The following PTPRD variants were observed in gnomAD, a reference collection of about 807,000 sequenced individuals.
PTPRD encodes the protein receptor-type tyrosine-protein phosphatase delta.
In PTPRD, 34 loss-of-function variants were observed where a neutral mutation model predicts 214.5. That is an observed-to-expected ratio of 0.16 (90% CI 0.12 to 0.21). The LOEUF is 0.21. Among genes scored for constraint, PTPRD ranks in the 10% least tolerant of loss-of-function variants. The pLI is 1.00. For missense variants in PTPRD, 2,545 were observed against 2,398.7 expected, an observed-to-expected ratio of 1.06 and a Z score of -1.27; for synonymous variants, 1,128 against 845.7, an observed-to-expected ratio of 1.33 and a Z score of -5.79.
At chr9:8,842,058 T>G (rs553607055) in intron 11 of PTPRD, among the ~76,000 whole-genome samples, 1 of 151,996 alleles carries the variant, frequency 6.6e-6, no homozygotes, top group South Asian at 2.1e-4. Context: ...AAGTATTTTT[T>G]TAAACAAAAA....
intron 2 of PTPRD, among the ~76,000 whole-genome samples, chr9:10,400,755 T>G (rs1228154917): frequency 1.3e-5 from 2 of 151,690 alleles, no homozygotes; most frequent in Non-Finnish European, 3.0e-5. Context: ...CCTTCTTAGT[T>G]TTTACTGATA....
chr9:10,065,147 G>GAAAGAAAGAAAGAAAGAAAA (rs1567444248), intron 3 of PTPRD, among the ~76,000 whole-genome samples: 1 of 144,572 alleles, frequency 6.9e-6, no homozygotes, highest in East Asian at 2.1e-4. Flanking sequence ...GGATTAGAAA[G>GAAAGAAAGAAAGAAAGAAAA]AAAGAAAGAA....
chr9:10,068,819 A>G (rs1410788134), intron 3 of PTPRD, among the ~76,000 whole-genome samples: 1 of 151,508 alleles, frequency 6.6e-6, no homozygotes, highest in Admixed American at 6.6e-5. Context: ...CCTTTTTTTC[A>G]CTCTGTTTAG....
intron 5 of PTPRD, among the ~76,000 whole-genome samples, chr9:9,908,492 C>T (rs10759099): frequency 0.46 from 69,918 of 151,844 alleles, 17,068 homozygotes; most frequent in African/African-American, 0.62. Context: ...ACTTGTTGAG[C>T]ATCCTTTCTG....
chr9:9,106,670 G>A (rs948592886), intron 10 of PTPRD, among the ~76,000 whole-genome samples: 1 of 146,634 alleles, frequency 6.8e-6, no homozygotes, highest in Non-Finnish European at 1.5e-5. Flanking sequence ...AAGTTTAATA[G>A]GTGTATAATT....
At chr9:9,548,673 T>TA (rs150886333) in intron 8 of PTPRD, among the ~76,000 whole-genome samples, 4 of 152,110 alleles carry the variant, frequency 2.6e-5, no homozygotes, top group East Asian at 3.9e-4. Flanking sequence ...AAAAGTATGA[T>TA]AAAAAACGAT....
chr9:9,343,909 A>G (rs777545464), intron 9 of PTPRD, among the ~76,000 whole-genome samples: 3 of 152,270 alleles, frequency 2.0e-5, no homozygotes, highest in Non-Finnish European at 4.4e-5. Flanking sequence ...GAAACAGGTT[A>G]TCTAAATTTT....
intron 10 of PTPRD, among the ~76,000 whole-genome samples, chr9:9,068,831 C>T (rs1033782856): frequency 2.6e-5 from 4 of 151,992 alleles, no homozygotes; most frequent in Non-Finnish European, 2.9e-5. Context: ...AGGATGGTCT[C>T]GATCTCCTGA....
At chr9:9,517,962 T>C (rs1349303573) in intron 8 of PTPRD, among the ~76,000 whole-genome samples, 1 of 151,432 alleles carries the variant, frequency 6.6e-6, no homozygotes, top group East Asian at 2.0e-4. Flanking sequence ...TTAAAATTAT[T>C]AATTTTTGGG....
chr9:8,869,500 T>C (rs1054139836), intron 11 of PTPRD, among the ~76,000 whole-genome samples: 3 of 152,278 alleles, frequency 2.0e-5, no homozygotes, highest in South Asian at 2.1e-4. Flanking sequence ...CCCAGACTCA[T>C]TGATTGATCC....
chr9:8,627,347 C>T (rs921216367), intron 14 of PTPRD, among the ~76,000 whole-genome samples: 15 of 151,754 alleles, frequency 9.9e-5, no homozygotes, highest in African/African-American at 3.4e-4. Context: ...CGACCAAGAA[C>T]AAATCATGTC....
At chr9:8,858,539 CTT>C (rs968590407) in intron 11 of PTPRD, among the ~76,000 whole-genome samples, 1 of 152,116 alleles carries the variant, frequency 6.6e-6, no homozygotes, top group Non-Finnish European at 1.5e-5. Flanking sequence ...AGGCTTCTCT[CTT>C]TGTTTCCTTG....
intron 3 of PTPRD, among the ~76,000 whole-genome samples, chr9:10,105,568 T>G (rs556755663): frequency 1.3e-5 from 2 of 151,898 alleles, no homozygotes; most frequent in East Asian, 1.9e-4. Flanking sequence ...ACTTCTCAAA[T>G]TTTTGCAGCT....
intron 3 of PTPRD, among the ~76,000 whole-genome samples, chr9:10,126,946 C>CT (rs34691762): frequency 0.39 from 50,492 of 130,428 alleles, 11,478 homozygotes; most frequent in Non-Finnish European, 0.52. Context: ...CTCAAATGGA[C>CT]TTTTTTTTTT....
intron 5 of PTPRD, among the ~76,000 whole-genome samples, chr9:9,861,874 C>T (rs1423763560): frequency 6.6e-6 from 1 of 152,138 alleles, no homozygotes; most frequent in African/African-American, 2.4e-5. Flanking sequence ...CCCCCTGCAT[C>T]ATATTTACCT....
chr9:8,412,782 C>A (rs2093630549), intron 35 of PTPRD, among the ~76,000 whole-genome samples: 1 of 152,134 alleles, frequency 6.6e-6, no homozygotes, highest in Non-Finnish European at 1.5e-5. Context: ...TTTCTGCTCT[C>A]CTACTTACTA....
chr9:9,661,435 TCATGTTGCTGCCATTTAA>T (rs1431418893), intron 7 of PTPRD, among the ~76,000 whole-genome samples: 1 of 151,914 alleles, frequency 6.6e-6, no homozygotes, highest in Non-Finnish European at 1.5e-5. Flanking sequence ...AGAAGCATCT[TCATGTTGCTGCCATTTAA>T]CATTATATTA....
chr9:8,862,402 A>G (rs1209990662), intron 11 of PTPRD: 2 of 152,198 alleles, frequency 1.3e-5, no homozygotes, highest in African/African-American at 4.8e-5. Context: ...TTCAAATTCA[A>G]TTGTAAAGAA....
intron 8 of PTPRD, among the ~76,000 whole-genome samples, chr9:9,481,163 G>A (rs1049701014): frequency 6.6e-6 from 1 of 152,102 alleles, no homozygotes; most frequent in Non-Finnish European, 1.5e-5. Context: ...GCGAGGATGA[G>A]GGCAGACTAG....
Sources: gnomAD v4.1 joint callset for allele counts (sites outside exome capture counted in the v4.1 genomes callset) on GRCh38, gnomAD v4.1.1 for gene constraint, MANE v1.5 for transcripts, NCBI Gene and HGNC (gene_info 2026-07-23, HGNC 2026-07-21) for gene names.